ALPK1: variants seen among roughly 807,000 people sequenced by gnomAD.
The protein encoded by ALPK1 is alpha kinase 1.
Under a neutral mutation model 120.6 loss-of-function variants are expected in ALPK1, and 110 were observed. The observed-to-expected ratio is 0.91, with a 90% CI of 0.78 to 1.07. ALPK1 has a LOEUF of 1.07. ALPK1 is among the 50% of genes least tolerant of loss of function. The pLI, the probability that ALPK1 is intolerant of heterozygous loss-of-function variation, is 0.00. For missense variants in ALPK1, 1,498 were observed against 1,483.9 expected, an observed-to-expected ratio of 1.01 and a Z score of -0.16; for synonymous variants, 582 against 560.3, an observed-to-expected ratio of 1.04 and a Z score of -0.55.
At chr4:112,386,537 C>T (rs1442916264) in intron 4 of ALPK1, among the ~76,000 whole-genome samples, 4 of 152,124 alleles carry the variant, frequency 2.6e-5, no homozygotes, top group African/African-American at 4.8e-5. Context: ...AAGCATATCA[C>T]GGGGTCACAG....
chr4:112,375,371 G>A (rs1578513531), intron 2 of ALPK1, among the ~76,000 whole-genome samples: 2 of 151,928 alleles, frequency 1.3e-5, no homozygotes, highest in Middle Eastern at 3.4e-3. Flanking sequence ...GTAGAGATGG[G>A]GTCTCCCTCT....
chr4:112,343,769 C>T (rs1401324533), intron 2 of ALPK1, among the ~76,000 whole-genome samples: 2 of 150,210 alleles, frequency 1.3e-5, no homozygotes, highest in South Asian at 2.2e-4. Flanking sequence ...CCCCTACCCC[C>T]GTTAATTGGC....
intron 8 of ALPK1, 142 bp downstream of exon 8, chr4:112,426,685 A>G (rs967600731): frequency 9.7e-6 from 6 of 617,176 alleles, no homozygotes; most frequent in Non-Finnish European, 1.6e-5. Flanking sequence ...GGCCAGGTAC[A>G]GTTAGTAGCT....
chr4:112,339,552 A>G (rs1729768856), intron 2 of ALPK1, among the ~76,000 whole-genome samples: 1 of 152,230 alleles, frequency 6.6e-6, no homozygotes, highest in East Asian at 1.9e-4. Flanking sequence ...AATAATTTAA[A>G]CATTATTAAA....
intron 1 of ALPK1, among the ~76,000 whole-genome samples, chr4:112,299,040 G>A (rs1394297758): frequency 1.3e-5 from 2 of 152,098 alleles, no homozygotes. Flanking sequence ...TTAAAGGAAT[G>A]AGCATTTAAA....
chr4:112,372,361 A>T (rs540231741), intron 2 of ALPK1, among the ~76,000 whole-genome samples: 4 of 151,920 alleles, frequency 2.6e-5, no homozygotes, highest in South Asian at 2.1e-4. Flanking sequence ...TACAGGCGCC[A>T]GCCACCACAC....
intron 4 of ALPK1, among the ~76,000 whole-genome samples, chr4:112,391,427 A>G (rs1732412534): frequency 6.6e-6 from 1 of 152,214 alleles, no homozygotes; most frequent in African/African-American, 2.4e-5. Context: ...CAGTCTTACC[A>G]TGTATCATGG....
chr4:112,395,272 C>T (rs549355974), intron 4 of ALPK1, among the ~76,000 whole-genome samples: 10 of 152,308 alleles, frequency 6.6e-5, no homozygotes, highest in African/African-American at 1.9e-4. Context: ...ATTTCCTTCT[C>T]CCACCCTTTC....
chr4:112,308,235 C>T (rs1175248673), intron 1 of ALPK1, among the ~76,000 whole-genome samples: 4 of 151,978 alleles, frequency 2.6e-5, no homozygotes, highest in African/African-American at 9.7e-5. Context: ...CTTGGAGTTG[C>T]TCTTCTCAAG....
chr4:112,305,487 T>C (rs1462180091), intron 1 of ALPK1, among the ~76,000 whole-genome samples: 1 of 152,090 alleles, frequency 6.6e-6, no homozygotes, highest in African/African-American at 2.4e-5. Context: ...GTTGGATTCC[T>C]AGGTATTTTA....
At chr4:112,391,936 T>C (rs958812926) in intron 4 of ALPK1, among the ~76,000 whole-genome samples, 1 of 150,586 alleles carries the variant, frequency 6.6e-6, no homozygotes, top group African/African-American at 2.5e-5. Context: ...TGTGCCTCTA[T>C]AGAACAGAAG....
chr4:112,362,447 A>G (rs2148717868), intron 2 of ALPK1, among the ~76,000 whole-genome samples: 1 of 152,330 alleles, frequency 6.6e-6, no homozygotes, highest in South Asian at 2.1e-4. Context: ...ATGCACTGCA[A>G]AGTCTCAGCA....
chr4:112,376,608 C>A (rs1413725695), intron 2 of ALPK1, among the ~76,000 whole-genome samples: 1 of 152,184 alleles, frequency 6.6e-6, no homozygotes, highest in Non-Finnish European at 1.5e-5. Context: ...GTTAAGAAAC[C>A]ATTGGCTAGT....
chr4:112,436,830 G>A (rs1363033225), intron 12 of ALPK1, among the ~76,000 whole-genome samples: 1 of 152,156 alleles, frequency 6.6e-6, no homozygotes, highest in East Asian at 1.9e-4. Context: ...GTATACCATA[G>A]GAGGACCTGA....
intron 2 of ALPK1, among the ~76,000 whole-genome samples, chr4:112,376,886 AAGAT>A (rs1731686626): frequency 6.6e-6 from 1 of 152,248 alleles, no homozygotes; most frequent in African/African-American, 2.4e-5. Flanking sequence ...TAACAAAAGA[AAGAT>A]AGACAAAAAG....
chr4:112,413,284 G>A (rs189571679), intron 5 of ALPK1, among the ~76,000 whole-genome samples: 1 of 152,336 alleles, frequency 6.6e-6, no homozygotes, highest in East Asian at 1.9e-4. Flanking sequence ...GAAGAGCTTG[G>A]AACAGAGTTA....
intron 1 of ALPK1, among the ~76,000 whole-genome samples, chr4:112,314,773 G>A (rs898890312): frequency 1.3e-5 from 2 of 151,906 alleles, no homozygotes; most frequent in African/African-American, 4.8e-5. Flanking sequence ...AGGAGACCTC[G>A]ACCTAGGATG....
intron 3 of ALPK1, 114 bp from the exon 4 acceptor site, chr4:112,382,284 T>G: frequency 8.4e-7 from 1 of 1,196,112 alleles, no homozygotes; most frequent in Non-Finnish European, 1.1e-6. Flanking sequence ...GGAAAAGGTT[T>G]TTCTCTTTTT....
chr4:112,359,193 A>C (rs1451600132), intron 2 of ALPK1: 3 of 605,580 alleles, frequency 5.0e-6, no homozygotes, highest in Non-Finnish European at 9.0e-6. Flanking sequence ...GCCACCCCCC[A>C]CAGGAGACCC....
Sources: gnomAD v4.1 joint callset for allele counts (sites outside exome capture counted in the v4.1 genomes callset) on GRCh38, gnomAD v4.1.1 for gene constraint, MANE v1.5 for transcripts, NCBI Gene and HGNC (gene_info 2026-07-23, HGNC 2026-07-21) for gene names.